Variants in PRKDC observed in about 807,000 individuals in gnomAD.
The protein encoded by PRKDC is protein kinase, DNA-activated, catalytic subunit.
Under a neutral mutation model 486.9 loss-of-function variants are expected in PRKDC, and 82 were observed. That is an observed-to-expected ratio of 0.17 (90% CI 0.14 to 0.20). The LOEUF (loss-of-function observed/expected upper bound fraction) is 0.20, where lower values mean the gene tolerates loss of function less well. Ranked by LOEUF, PRKDC falls within the 10% of genes least tolerant of loss-of-function variation. PRKDC has a pLI of 1.00. For synonymous variants in PRKDC, 1,895 were observed against 1,837.0 expected, an observed-to-expected ratio of 1.03 and a Z score of -0.81; for missense variants, 4,504 against 5,038.2, an observed-to-expected ratio of 0.89 and a Z score of 3.21.
intron 52 of PRKDC, among the ~76,000 whole-genome samples, chr8:47,851,489 TG>T (rs2088401520): frequency 6.6e-6 from 1 of 152,220 alleles, no homozygotes; most frequent in African/African-American, 2.4e-5. Context: ...CTTGGTGACA[TG>T]GACAAGGGTC....
chr8:47,864,519 T>C, intron 41 of PRKDC, 37 bp downstream of exon 41: 1 of 1,552,106 alleles, frequency 6.4e-7, no homozygotes, highest in Non-Finnish European at 8.8e-7. Context: ...TCAAGTAGGC[T>C]GCTCACTTCT....
rs201377093 is a variant in PRKDC at position 47,834,388 on chromosome 8, T to G, written c.7960A>C (p.Ser2654Arg). ...FTLTQTADGR[S>R]SFDWLTGSST... Reference sequence around the variant, plus strand: ...CTCCCGGTCAGCCAATCAAATGAGCTTCTTCCATCTGTGACATGCAATCAG... The same window carrying G: ...CTCCCGGTCAGCCAATCAAATGAGCGTCTTCCATCTGTGACATGCAATCAG... Residue 2654 changes from serine (S) to arginine (R), a missense_variant, in exon 59 of 86, where the codon AGC (serine) becomes CGC (arginine). By Grantham distance (110) the Ser-to-Arg change is moderately radical. Transcript: ENST00000314191. The G allele has an allele frequency of 1.4e-4, 220 of 1,613,118 alleles. No individual in the cohort carries two copies. The highest frequency in any genetic ancestry group is 1.8e-4 in the Non-Finnish European group (211 of 1,179,802).
Position 47,860,748 on chromosome 8 carries a change from C to T in PRKDC, c.6058+151G>A, listed in dbSNP as rs570879068. The T allele has an allele frequency of 1.2e-5, 7 of 580,728 alleles. No individual in the cohort carries two copies. The Admixed American group carries it at 1.9e-4, about 16-fold the overall frequency. The allele number at this position is 580,728 out of a possible 1,614,324, so 36.0% of individuals were successfully genotyped here. ...ATAATTCCATTTGCCACTTAAAATA[C>T]TTTTTCAAAGTCAATTTCAATGTTT... On this transcript the variant is annotated intron_variant, in intron 45 of 85. Coordinates refer to ENST00000314191, the MANE Select transcript of PRKDC (RefSeq NM_006904.7).
intron 58 of PRKDC, among the ~76,000 whole-genome samples, chr8:47,835,684 T>C (rs1439051750): frequency 1.4e-5 from 2 of 148,020 alleles, no homozygotes; most frequent in Non-Finnish European, 3.0e-5. Flanking sequence ...TTTCAATCAT[T>C]CTTAGGTGCA....
Position 47,933,021 on chromosome 8 carries a change from T to C in PRKDC, c.1775A>G (p.Glu592Gly). Residue 592 changes from glutamate to glycine, a missense_variant and splice_region_variant, in exon 16 of 86, where the codon GAG becomes GGG. Transcript: ENST00000314191. ...TLEIQTVGEQENGDEAPGVWM... is the reference protein window; with the variant it reads ...TLEIQTVGEQGNGDEAPGVWM... ...TTACTACTGATAAAAATTTCTAACC[T>C]CTTGTTCCCCAACAGTCTGTATTTC... The C allele has an allele frequency of 6.3e-7, 1 of 1,581,972 alleles. No individual in the cohort carries two copies. Among genetic ancestry groups the C allele is most frequent in the East Asian group, 2.3e-5 (1 of 43,898 alleles).
intron 69 of PRKDC, among the ~76,000 whole-genome samples, chr8:47,804,296 C>CTTTTT (rs767946033): frequency 7.4e-6 from 1 of 135,932 alleles, no homozygotes; most frequent in Admixed American, 7.4e-5. Context: ...GGACATGCCA[C>CTTTTT]TTTTTTTTTT....
rs533209802 is a variant in PRKDC at position 47,857,292 on chromosome 8, C to T, written c.6473G>A (p.Arg2158His). The T allele has an allele frequency of 6.2e-5, 100 of 1,609,130 alleles. No homozygotes were observed. The highest frequency in any genetic ancestry group is 7.8e-5 in the South Asian group (7 of 90,100). The change falls in exon 49 of 86, where the codon CGC (arginine) becomes CAC (histidine). Residue 2158 changes from arginine (R) to histidine (H), a missense_variant. Arg to His is a conservative substitution (Grantham distance 29). Coordinates refer to ENST00000314191, the MANE Select transcript of PRKDC (RefSeq NM_006904.7). ...GCTAAGCCAGTGCTTCGCGTAAGGG[C>T]GAAAGACCTACAAGAGGATGTAAAA... is the stretch of plus-strand genomic sequence containing the variant. ...KLVINTEEVFRPYAKHWLSPL... is the reference protein window; with the variant it reads ...KLVINTEEVFHPYAKHWLSPL...
chr8:47,775,878 A>C (rs918882239), intron 85 of PRKDC, among the ~76,000 whole-genome samples: 1 of 148,508 alleles, frequency 6.7e-6, no homozygotes, highest in Admixed American at 6.8e-5. Flanking sequence ...GCTGGAGTAC[A>C]GTGGTGCCAT....
chr8:47,820,771 T>C lies in PRKDC; in HGVS notation c.9284A>G (p.Asp3095Gly), dbSNP rs1174213235. 2 of 1,606,964 alleles carry C rather than the reference T, an allele frequency of 1.2e-6. No homozygotes were observed. The highest frequency in any genetic ancestry group is 4.5e-5 in the East Asian group (2 of 44,818). ...ELSLLYLLQD[D>G]VDRAKYYIQN... is the part of the protein sequence containing the mutation. ...AATGTAATATTTGGCTCTGTCAACA[T>C]CATCTTGCAGGAGGTAAAGCAGACT... Residue 3095 changes from aspartate to glycine, a missense_variant, in exon 66 of 86, where the codon GAT becomes GGT. Physicochemically the swap from Asp to Gly is moderately conservative, Grantham distance 94. Around this residue, in one of 6 missense-constraint regions of PRKDC, gnomAD observed 1,592 missense variants for 1,724.6 expected, o/e 0.92. Transcript: ENST00000314191.
chr8:47,779,570 A>C (rs2086664334), intron 80 of PRKDC, among the ~76,000 whole-genome samples: 1 of 152,166 alleles, frequency 6.6e-6, no homozygotes, highest in Non-Finnish European at 1.5e-5. Flanking sequence ...TTTTATCTTT[A>C]TTTAGACCAC....
chr8:47,940,429 G>A (rs961522565), intron 10 of PRKDC, among the ~76,000 whole-genome samples: 8 of 152,094 alleles, frequency 5.3e-5, no homozygotes, highest in South Asian at 4.2e-4. Context: ...AATTATCAAA[G>A]GCAGAAAAAA....
At chr8:47,863,775 T>C (rs188596178) in intron 41 of PRKDC, among the ~76,000 whole-genome samples, 198 bp from the exon 42 acceptor site, 64 of 152,306 alleles carry the variant, frequency 4.2e-4, no homozygotes, top group African/African-American at 1.5e-3. Flanking sequence ...GTTACACTGG[T>C]GAAGCAGGAA....
chr8:47,858,857 C>T lies in PRKDC; in HGVS notation c.6337G>A (p.Gly2113Arg). 6.2e-7 allele frequency: 1 copy of T among 1,611,568 alleles called. No homozygotes were observed. The highest frequency in any genetic ancestry group is 1.1e-5 in the South Asian group (1 of 91,062). ...ATGAGTGGGAAAAGCACCTCTTCTC[C>T]TTGAGGCGGGCCCAGGCTTCTGTGC... Reference protein sequence around the residue: ...HMHRSLGPPQGEEDSVPRDLP... With the variant: ...HMHRSLGPPQREEDSVPRDLP... Residue 2113 changes from glycine to arginine, a missense_variant, in exon 47 of 86, where the codon GGA becomes AGA. Transcript: ENST00000314191.
At chr8:47,894,282 AAG>A (rs1230891668) in intron 30 of PRKDC, among the ~76,000 whole-genome samples, 3 of 152,228 alleles carry the variant, frequency 2.0e-5, no homozygotes, top group Admixed American at 2.0e-4. Flanking sequence ...GTATAAAAAA[AAG>A]AAAGAAAGAG....
At position 47,874,791 on chromosome 8, in the gene PRKDC, G is replaced by A. The variant is rs572312678; in HGVS notation, c.5363+2933C>T. ...ATCTGGAGGCCAGGCACAGTGGCTC[G>A]TGACTGTAATCCCAGCACTTTGGAA... is the stretch of plus-strand genomic sequence containing the variant. On this transcript the variant is annotated intron_variant, in intron 40 of 85. Transcript: ENST00000314191. 6.8e-3 allele frequency among the ~76,000 whole-genome samples: 1,040 copies of A among 151,904 alleles called. 8 individuals carry two copies. The highest frequency in any genetic ancestry group is 0.025 in the South Asian group (119 of 4,802).
chr8:47,947,182 C>G (rs2090548058), intron 7 of PRKDC, among the ~76,000 whole-genome samples: 1 of 152,182 alleles, frequency 6.6e-6, no homozygotes, highest in Non-Finnish European at 1.5e-5. Context: ...TGAGCAGCTG[C>G]TGCCTGGAAT....
chr8:47,801,695 G>A (rs990699361), intron 70 of PRKDC, among the ~76,000 whole-genome samples: 1 of 152,194 alleles, frequency 6.6e-6, no homozygotes, highest in African/African-American at 2.4e-5. Flanking sequence ...AGCTAATGAA[G>A]CAACAGGCAC....
rs7463428 is a variant in PRKDC, at chr8:47,858,467, C to A, written c.6465+49G>T. The A allele has an allele frequency of 2.6e-3, 3,527 of 1,374,928 alleles. 84 individuals carry two copies. The African/African-American group carries it at 0.045, about 18-fold the overall frequency. The allele number at this position is 1,374,928 out of a possible 1,614,324, so 85.2% of individuals were successfully genotyped here. A position where few individuals can be genotyped will look rare whatever the true frequency, so the allele number is the denominator to read the frequency against. On this transcript the variant is annotated intron_variant, in intron 48 of 85. Coordinates refer to ENST00000314191, the MANE Select transcript of PRKDC (RefSeq NM_006904.7). ...TGATTCATTCATAGAATTGAATAAA[C>A]AGACTTACAGAATCTATTCAAAGAA...
At chr8:47,925,010 C>CCCACGTG (rs2090133762) in intron 21 of PRKDC, among the ~76,000 whole-genome samples, 1 of 152,228 alleles carries the variant, frequency 6.6e-6, no homozygotes, top group Non-Finnish European at 1.5e-5. Context: ...ACATCCCAGA[C>CCCACGTG]AGCTGTCCCA....
Sources: gnomAD v4.1 joint callset for allele counts (sites outside exome capture counted in the v4.1 genomes callset) on GRCh38, gnomAD v4.1.1 for gene constraint, gnomAD v4.1.1 regional missense constraint, MANE v1.5 for transcripts, NCBI Gene and HGNC (gene_info 2026-07-23, HGNC 2026-07-21) for gene names.